Variants in CTTNBP2NL observed in about 807,000 individuals in gnomAD.
CTTNBP2NL encodes the protein CTTNBP2 N-terminal-like protein.
In CTTNBP2NL, 16 loss-of-function variants were observed where a neutral mutation model predicts 32.5. The observed-to-expected ratio is 0.49, with a 90% CI of 0.33 to 0.75. The LOEUF (loss-of-function observed/expected upper bound fraction) is 0.75, where lower values mean the gene tolerates loss of function less well. CTTNBP2NL is among the 30% of genes least tolerant of loss of function. The pLI, the probability that CTTNBP2NL is intolerant of heterozygous loss-of-function variation, is 0.02. For missense variants in CTTNBP2NL, 645 were observed against 756.0 expected, an observed-to-expected ratio of 0.85 and a Z score of 1.72; for synonymous variants, 298 against 289.4, an observed-to-expected ratio of 1.03 and a Z score of -0.30.
chr1:112,415,258 A>G (rs982275647), intron 2 of CTTNBP2NL, among the ~76,000 whole-genome samples: 6 of 152,188 alleles, frequency 3.9e-5, no homozygotes, highest in African/African-American at 1.4e-4. Flanking sequence ...AAGTTTGCAT[A>G]TAGTTGAATT....
chr1:112,396,750 A>G (rs1648343719), intron 1 of CTTNBP2NL, among the ~76,000 whole-genome samples: 1 of 152,168 alleles, frequency 6.6e-6, no homozygotes, highest in Non-Finnish European at 1.5e-5. Context: ...CGAAGCAAAA[A>G]TCAAAGACCG....
intron 3 of CTTNBP2NL, among the ~76,000 whole-genome samples, chr1:112,429,445 C>A (rs1344139600): frequency 6.6e-6 from 1 of 152,172 alleles, no homozygotes; most frequent in Admixed American, 6.5e-5. Context: ...TCAGAAGTTC[C>A]AAGCTCTAAT....
At chr1:112,427,629 C>T (rs1159451067) in intron 3 of CTTNBP2NL, among the ~76,000 whole-genome samples, 1 of 152,176 alleles carries the variant, frequency 6.6e-6, no homozygotes, top group Non-Finnish European at 1.5e-5. Flanking sequence ...GGTGTGGTGG[C>T]TCATGCCTAT....
At chr1:112,438,780 T>C (rs1265482259) in intron 3 of CTTNBP2NL, among the ~76,000 whole-genome samples, 2 of 152,204 alleles carry the variant, frequency 1.3e-5, no homozygotes, top group Non-Finnish European at 2.9e-5. Flanking sequence ...TGGTCACCTT[T>C]AGCATGCACA....
At chr1:112,404,445 A>G (rs1231992552) in intron 1 of CTTNBP2NL, among the ~76,000 whole-genome samples, 1 of 152,194 alleles carries the variant, frequency 6.6e-6, no homozygotes, top group African/African-American at 2.4e-5. Context: ...CCTTCATACC[A>G]TACTCTGGAG....
At chr1:112,423,816 C>T (rs975656008) in intron 3 of CTTNBP2NL, among the ~76,000 whole-genome samples, 11 of 152,270 alleles carry the variant, frequency 7.2e-5, no homozygotes, top group South Asian at 2.1e-4. Context: ...CTTTGGCTCC[C>T]GGATTCAAGT....
intron 1 of CTTNBP2NL, among the ~76,000 whole-genome samples, chr1:112,411,722 G>A (rs148172178): frequency 0.03 from 4,492 of 149,316 alleles, 241 homozygotes; most frequent in African/African-American, 0.11. Context: ...TTGCTCTGTC[G>A]CCCAGGCTGG....
chr1:112,445,058 G>A (rs562256464), intron 3 of CTTNBP2NL, among the ~76,000 whole-genome samples: 1 of 152,200 alleles, frequency 6.6e-6, no homozygotes, highest in Admixed American at 6.5e-5. Context: ...GTCACTTGCT[G>A]TGTGGGAAGC....
intron 3 of CTTNBP2NL, among the ~76,000 whole-genome samples, chr1:112,441,792 C>T (rs1162781082): frequency 2.0e-5 from 3 of 152,156 alleles, no homozygotes; most frequent in African/African-American, 7.2e-5. Context: ...TCCCTGATCC[C>T]TAATGACTTA....
chr1:112,420,195 G>T (rs1237658491), intron 3 of CTTNBP2NL, among the ~76,000 whole-genome samples: 5 of 151,164 alleles, frequency 3.3e-5, no homozygotes, highest in Non-Finnish European at 7.4e-5. Context: ...GCCCAGGCTG[G>T]AGTGCAATAG....
At chr1:112,420,239 G>T (rs896819475) in intron 3 of CTTNBP2NL, among the ~76,000 whole-genome samples, 5 of 150,234 alleles carry the variant, frequency 3.3e-5, no homozygotes, top group African/African-American at 1.2e-4. Context: ...TCCGCCTCCT[G>T]AGTTCAAGTG....
chr1:112,404,426 A>G (rs1453563768), intron 1 of CTTNBP2NL, among the ~76,000 whole-genome samples: 1 of 152,164 alleles, frequency 6.6e-6, no homozygotes, highest in Admixed American at 6.5e-5. Context: ...TAACTGTTTG[A>G]TGGTTAATCC....
chr1:112,416,237 A>G lies in CTTNBP2NL; in HGVS notation c.72A>G (p.Ala24=). Residue 24 remains alanine, a synonymous_variant, in exon 3 of 6, where the codon GCA becomes GCG. Transcript: ENST00000271277. The part of the protein sequence containing the change: ...LFSILEGELE[A]RDLVIEALKA... ...GTATTCTTGAAGGAGAGCTTGAAGC[A>G]AGGGACCTTGTTATAGAAGCCTTAA... is the stretch of plus-strand genomic sequence containing the variant. 1 of 1,600,636 alleles carries G rather than the reference A, an allele frequency of 6.2e-7. No individual in the cohort carries two copies. The highest frequency in any genetic ancestry group is 1.1e-5 in the South Asian group (1 of 88,530).
upstream of CTTNBP2NL, among the ~76,000 whole-genome samples, chr1:112,394,995 A>G (rs1307099051): frequency 6.6e-6 from 1 of 152,218 alleles, no homozygotes; most frequent in Non-Finnish European, 1.5e-5. Flanking sequence ...AACATGATAA[A>G]TACTTGTTTA....
intron 3 of CTTNBP2NL, among the ~76,000 whole-genome samples, chr1:112,435,248 A>C (rs913468533): frequency 6.6e-6 from 1 of 151,966 alleles, no homozygotes; most frequent in Non-Finnish European, 1.5e-5. Flanking sequence ...GATTAGTGAT[A>C]ATAGGAGAAT....
chr1:112,418,719 G>A (rs77847499), intron 3 of CTTNBP2NL, among the ~76,000 whole-genome samples: 2,912 of 152,226 alleles, frequency 0.019, 44 homozygotes, highest in Middle Eastern at 0.048. Flanking sequence ...ACATAGTTCA[G>A]CAGGAAAGCC....
chr1:112,400,001 G>A (rs1473634237), intron 1 of CTTNBP2NL, among the ~76,000 whole-genome samples: 1 of 151,986 alleles, frequency 6.6e-6, no homozygotes, highest in Non-Finnish European at 1.5e-5. Context: ...CCCAGGAGGC[G>A]GAGGTTGCAG....
At chr1:112,447,576 A>AT (rs1009546520) in intron 3 of CTTNBP2NL, among the ~76,000 whole-genome samples, 15 of 152,098 alleles carry the variant, frequency 9.9e-5, no homozygotes, top group African/African-American at 3.6e-4. Flanking sequence ...AGGCTAAGTG[A>AT]TTCCTGGGGC....
At chr1:112,422,933 C>T (rs775005915) in intron 3 of CTTNBP2NL, among the ~76,000 whole-genome samples, 5 of 152,142 alleles carry the variant, frequency 3.3e-5, no homozygotes, top group Admixed American at 6.5e-5. Context: ...GCTGGAACTA[C>T]AGGCACACAC....
Sources: gnomAD v4.1 joint callset for allele counts (sites outside exome capture counted in the v4.1 genomes callset) on GRCh38, gnomAD v4.1.1 for gene constraint, MANE v1.5 for transcripts, NCBI Gene and HGNC (gene_info 2026-07-23, HGNC 2026-07-21) for gene names.